Variants in CCDC82 observed in about 807,000 individuals in gnomAD.
CCDC82 encodes the protein coiled-coil domain-containing protein 82.
A neutral mutation model predicts 60.6 loss-of-function variants in CCDC82; 47 were observed. The observed-to-expected ratio is 0.77, with a 90% CI of 0.61 to 0.99. The LOEUF is 0.99. CCDC82 is among the 50% of genes least tolerant of loss of function. The pLI, the probability that CCDC82 is intolerant of heterozygous loss-of-function variation, is 0.00. For synonymous variants in CCDC82, 212 were observed against 207.4 expected, an observed-to-expected ratio of 1.02 and a Z score of -0.19; for missense variants, 588 against 633.0, an observed-to-expected ratio of 0.93 and a Z score of 0.76.
chr11:96,362,897 C>A (rs1270314400), intron 8 of CCDC82, among the ~76,000 whole-genome samples: 1 of 152,012 alleles, frequency 6.6e-6, no homozygotes, highest in Non-Finnish European at 1.5e-5. Context: ...AGCAGCAACA[C>A]AAAATAAAGA....
chr11:96,371,042 A>G lies in CCDC82; in HGVS notation c.1180T>C (p.Ser394Pro), dbSNP rs1865234538. ...FVQPRLESLV[S>P]RSRWKEQYKE... Reference sequence around the variant, plus strand: ...TATTGCTCTTTCCAACGACTTCTAGATACCAAGCTCTCTAGACGAGGCTGA... The same window carrying G: ...TATTGCTCTTTCCAACGACTTCTAGGTACCAAGCTCTCTAGACGAGGCTGA... Residue 394 changes from serine (S) to proline (P), a missense_variant, in exon 7 of 10, where the codon TCT becomes CCT. Transcript: ENST00000646818. The G allele has an allele frequency of 6.2e-7, 1 of 1,600,336 alleles. No homozygotes were observed. Among genetic ancestry groups the G allele is most frequent in the Non-Finnish European group, 8.5e-7 (1 of 1,174,318 alleles).
intron 9 of CCDC82, 119 bp from the exon 10 acceptor site, chr11:96,353,833 CTTT>C: frequency 1.6e-6 from 1 of 643,486 alleles, no homozygotes; most frequent in Non-Finnish European, 2.7e-6. Flanking sequence ...GAACAAAAAT[CTTT>C]TTATGATAAA....
At chr11:96,378,338 G>A (rs1293298937) in intron 5 of CCDC82, among the ~76,000 whole-genome samples, 2 of 151,858 alleles carry the variant, frequency 1.3e-5, no homozygotes, top group East Asian at 3.9e-4. Context: ...GCATTTTCTT[G>A]TTTCTTTTAA....
chr11:96,371,826 G>T (rs1865290678), intron 6 of CCDC82, among the ~76,000 whole-genome samples: 1 of 151,970 alleles, frequency 6.6e-6, no homozygotes, highest in South Asian at 2.1e-4. Context: ...TTCTAGCTAG[G>T]CGTTTTCCTC....
chr11:96,372,494 G>C (rs1029842612), intron 6 of CCDC82, among the ~76,000 whole-genome samples: 2 of 151,108 alleles, frequency 1.3e-5, no homozygotes, highest in African/African-American at 4.9e-5. Context: ...CTAGCTTATA[G>C]TAGACATTCA....
rs1216738902 is a variant in CCDC82 at position 96,352,872 on chromosome 11, G to A, written c.*774C>T. 2.0e-5 allele frequency: 3 copies of A among 152,132 alleles called. No individual in the cohort carries two copies. The highest frequency in any genetic ancestry group is 7.2e-5 in the African/African-American group (3 of 41,418). The allele number at this position is 152,132 out of a possible 1,614,324, so 9.4% of individuals were successfully genotyped here. A position where few individuals can be genotyped will look rare whatever the true frequency, so the allele number is the denominator to read the frequency against. On this transcript the variant is annotated 3_prime_UTR_variant, in exon 10 of 10. Transcript: ENST00000646818. ...ATGCTTTCCAAGTGTTTTTGGCTGA[G>A]TTTGTCTCTTTCAGCAGTTCTGACC...
chr11:96,364,937 A>C, intron 8 of CCDC82, 43 bp downstream of exon 8: 1 of 1,526,636 alleles, frequency 6.6e-7, no homozygotes, highest in Non-Finnish European at 8.8e-7. Context: ...ATGAAATAAA[A>C]ATTTCTAAAT....
chr11:96,370,275 C>T (rs981569918), intron 7 of CCDC82, among the ~76,000 whole-genome samples: 2 of 152,004 alleles, frequency 1.3e-5, no homozygotes, highest in Non-Finnish European at 2.9e-5. Flanking sequence ...TTTTCCTCTT[C>T]CTAATCATTA....
chr11:96,371,511 G>C (rs760876642), intron 6 of CCDC82, among the ~76,000 whole-genome samples: 1 of 152,230 alleles, frequency 6.6e-6, no homozygotes, highest in Non-Finnish European at 1.5e-5. Context: ...GAACCCGGGA[G>C]GGGGAGCTTA....
At chr11:96,356,573 T>C in intron 9 of CCDC82, 1 of 985,058 alleles carries the variant, frequency 1.0e-6, no homozygotes, top group Non-Finnish European at 1.2e-6. Context: ...TGAACAAATA[T>C]TCGTTAGAAT....
rs754255394 is a variant in CCDC82 at position 96,373,408 on chromosome 11, C to T, written c.1051G>A (p.Ala351Thr). ...ERVVKALLIN[A>T]LDESFLGTLY... ...GTTCCCAGAAAAGATTCATCTAAAG[C>T]GTTGATCAGAAGAGCCTTCACAACT... Residue 351 changes from alanine (A) to threonine (T), a missense_variant, in exon 6 of 10, where the codon GCT becomes ACT. Physicochemically the swap from Ala to Thr is moderately conservative, Grantham distance 58. Coordinates refer to ENST00000646818, the MANE Select transcript of CCDC82 (RefSeq NM_024725.4). 32 of 1,608,258 alleles carry T rather than the reference C, an allele frequency of 2.0e-5. No homozygotes were observed. Among genetic ancestry groups the T allele is most frequent in the Middle Eastern group, 1.7e-4 (1 of 6,048 alleles).
At chr11:96,380,849 C>A (rs184299154) in intron 5 of CCDC82, 1 of 151,604 alleles carries the variant, frequency 6.6e-6, no homozygotes, top group Non-Finnish European at 1.5e-5. Context: ...TGAATTAAAG[C>A]ACAGGGCATT....
At chr11:96,386,147 A>T (rs945960116) in intron 3 of CCDC82, 107 bp downstream of exon 3, 2 of 152,308 alleles carry the variant, frequency 1.3e-5, no homozygotes, top group Non-Finnish European at 2.9e-5. Context: ...CAACTTAAGA[A>T]GATGAGAATT....
At chr11:96,358,791 G>T (rs997960033) in intron 9 of CCDC82, among the ~76,000 whole-genome samples, 3 of 152,154 alleles carry the variant, frequency 2.0e-5, no homozygotes, top group Non-Finnish European at 4.4e-5. Flanking sequence ...CTGATGGGCT[G>T]AGTGAATCCT....
rs200045379 is a variant in CCDC82 at position 96,364,964 on chromosome 11, A to G, written c.1380+16T>C. ...TTTCTAAATACTGAAAATTAAGATT[A>G]GAGGGAAGAAAATACCTGTTTATCA... On this transcript the variant is annotated intron_variant, in intron 8 of 9. Transcript: ENST00000646818. The G allele has an allele frequency of 8.4e-4, 1,326 of 1,579,338 alleles. 2 individuals carry two copies. The highest frequency in any genetic ancestry group is 1.1e-3 in the Non-Finnish European group (1,274 of 1,164,950).
chr11:96,358,692 C>T (rs1591161414), intron 9 of CCDC82: 2 of 1,159,502 alleles, frequency 1.7e-6, no homozygotes, highest in East Asian at 3.2e-5. Context: ...AATCAGGGGA[C>T]TTAATATATA....
intron 8 of CCDC82, among the ~76,000 whole-genome samples, chr11:96,360,808 T>C (rs1397588592): frequency 2.6e-5 from 4 of 152,202 alleles, no homozygotes; most frequent in Admixed American, 6.5e-5. Context: ...CAAAAATGAA[T>C]AGAAGTTATA....
At chr11:96,357,392 T>C (rs1487755098) in intron 9 of CCDC82, 1 of 985,210 alleles carries the variant, frequency 1.0e-6, no homozygotes, top group Non-Finnish European at 1.2e-6. Flanking sequence ...TAATGCTAAA[T>C]GTTATTCTTT....
chr11:96,371,261 A>G (rs1865250636), intron 6 of CCDC82, 124 bp from the exon 7 acceptor site: 2 of 628,348 alleles, frequency 3.2e-6, no homozygotes, highest in African/African-American at 3.8e-5. Flanking sequence ...AAAAATATTT[A>G]AAAAATCATT....
Sources: gnomAD v4.1 joint callset for allele counts (sites outside exome capture counted in the v4.1 genomes callset) on GRCh38, gnomAD v4.1.1 for gene constraint, MANE v1.5 for transcripts, NCBI Gene and HGNC (gene_info 2026-07-23, HGNC 2026-07-21) for gene names.